Variants in LDLRAD4 observed in about 807,000 individuals in gnomAD.
LDLRAD4 encodes the protein low-density lipoprotein receptor class A domain-containing protein 4.
Under a neutral mutation model 17.0 loss-of-function variants are expected in LDLRAD4, and 5 were observed. The observed-to-expected ratio is 0.29, with a 90% CI of 0.15 to 0.62. The LOEUF (loss-of-function observed/expected upper bound fraction) is 0.62, where lower values mean the gene tolerates loss of function less well. Ranked by LOEUF, LDLRAD4 falls within the 20% of genes least tolerant of loss-of-function variation. The pLI is 0.84. For missense variants in LDLRAD4, 340 were observed against 424.7 expected (o/e 0.80, Z 1.75); for synonymous variants, 168 against 171.8 (o/e 0.98, Z 0.17).
In LDLRAD4 at chr18:13,240,291, A is replaced by G. The variant is rs2042564279; in HGVS notation, c.-467+21303A>G. On this transcript the variant is annotated intron_variant, in intron 1 of 5. Coordinates refer to the LDLRAD4 transcript ENST00000399848. ...CTGAAAGCTCAGCCCTTGGCCCCAA[A>G]GGAGCTCTGAGGCCGCAGGCCCAGA... The G allele has an allele frequency of 2.0e-5, 3 of 152,256 alleles. No individual in the cohort carries two copies. In the South Asian group the frequency reaches 6.2e-4, roughly 31 times the overall value. 9.4% of individuals were successfully genotyped at this position (152,256 alleles called of 1,614,324 possible).
At position 13,475,161 on chromosome 18, in the gene LDLRAD4, C is replaced by T. The variant is rs376578102; in HGVS notation, c.181+36777C>T. Among the ~76,000 whole-genome samples the T allele has an allele frequency of 1.8e-4, 28 of 152,334 alleles. No homozygotes were observed. In the East Asian group the frequency reaches 5.0e-3, roughly 27 times the overall value. On this transcript the variant is annotated intron_variant, in intron 3 of 5. Coordinates refer to ENST00000359446, the Ensembl canonical transcript of LDLRAD4. ...TTAAGTTTGCTGTTTTCAGTCTGTGCTTGGCACTTTCCTCACTAGATCTTT... is the reference window on the plus strand; with the variant it reads ...TTAAGTTTGCTGTTTTCAGTCTGTGTTTGGCACTTTCCTCACTAGATCTTT...
chr18:13,639,675 C>T (rs1483837466), intron 4 of LDLRAD4, among the ~76,000 whole-genome samples: 1 of 152,202 alleles, frequency 6.6e-6, no homozygotes, highest in Non-Finnish European at 1.5e-5. Context: ...TGGCCTCAAG[C>T]TCTTCCACCA....
At chr18:13,453,081 T>A (rs764881844) in intron 3 of LDLRAD4, among the ~76,000 whole-genome samples, 19 of 152,176 alleles carry the variant, frequency 1.2e-4, no homozygotes, top group Non-Finnish European at 2.4e-4. Context: ...GTCACGGGAT[T>A]TGCATCATGT....
intron 4 of LDLRAD4, among the ~76,000 whole-genome samples, chr18:13,636,437 G>C (rs899961596): frequency 1.9e-4 from 28 of 149,858 alleles, no homozygotes; most frequent in African/African-American, 5.9e-4. Flanking sequence ...AAAAAAAAAA[G>C]CCCAAAGGAA....
intron 4 of LDLRAD4, among the ~76,000 whole-genome samples, chr18:13,627,969 C>A (rs1017251313): frequency 6.6e-6 from 1 of 152,192 alleles, no homozygotes; most frequent in Non-Finnish European, 1.5e-5. Context: ...TCTACCTGGG[C>A]AGTGTCCCTC....
chr18:13,409,989 C>G (rs2088169102), intron 2 of LDLRAD4, among the ~76,000 whole-genome samples: 1 of 152,130 alleles, frequency 6.6e-6, no homozygotes, highest in African/African-American at 2.4e-5. Flanking sequence ...ACGTGGTACC[C>G]CAGGGCACGA....
At chr18:13,592,229 C>A (rs769125169) in intron 3 of LDLRAD4, among the ~76,000 whole-genome samples, 6 of 152,202 alleles carry the variant, frequency 3.9e-5, no homozygotes, top group African/African-American at 1.4e-4. Flanking sequence ...ACTTTTTAAA[C>A]CCTGACCCAC....
At chr18:13,553,168 CT>C (rs1247468156) in intron 3 of LDLRAD4, among the ~76,000 whole-genome samples, 1 of 152,126 alleles carries the variant, frequency 6.6e-6, no homozygotes, top group Non-Finnish European at 1.5e-5. Flanking sequence ...ATAATAAAGA[CT>C]TATAGCTTGT....
At chr18:13,243,511 C>CA (rs958060295) in intron 1 of LDLRAD4, among the ~76,000 whole-genome samples, 62 of 151,542 alleles carry the variant, frequency 4.1e-4, no homozygotes, top group African/African-American at 1.4e-3. Context: ...TCTATCCATT[C>CA]ACCCACCCAT....
At chr18:13,460,419 C>G (rs962758810) in intron 3 of LDLRAD4, among the ~76,000 whole-genome samples, 4 of 152,126 alleles carry the variant, frequency 2.6e-5, no homozygotes, top group Non-Finnish European at 5.9e-5. Flanking sequence ...GCTGGAACTC[C>G]GGGCACAAGC....
intron 3 of LDLRAD4, among the ~76,000 whole-genome samples, chr18:13,578,539 G>A (rs1209929886): frequency 6.6e-6 from 1 of 152,162 alleles, no homozygotes; most frequent in South Asian, 2.1e-4. Context: ...TAAGCTAGAG[G>A]ACAGGAAAGA....
intron 3 of LDLRAD4, among the ~76,000 whole-genome samples, chr18:13,586,132 G>C (rs753815856): frequency 1.3e-5 from 2 of 152,038 alleles, no homozygotes; most frequent in Non-Finnish European, 2.9e-5. Context: ...CTGAGGGCGG[G>C]GCATGGTGGC....
rs576266589 is a variant in LDLRAD4, at chr18:13,243,275, C to T, written c.-467+24287C>T. Among the ~76,000 whole-genome samples the T allele has an allele frequency of 1.2e-4, 19 of 152,330 alleles. 3 individuals are homozygous for T. In the South Asian group the frequency reaches 3.9e-3, roughly 32 times the overall value. On this transcript the variant is annotated intron_variant, in intron 1 of 5. Transcript: ENST00000399848. ...TGTCCCCGGCCTCTTCCACTTCCAG[C>T]TCTTAGCCTTGGGCACGTCACTAAC...
At position 13,645,383 on chromosome 18, in the gene LDLRAD4, G is replaced by A; in HGVS notation, c.647G>A (p.Ser216Asn). 6.2e-7 allele frequency: 1 copy of A among 1,614,178 alleles called. No individual in the cohort carries two copies. The highest frequency in any genetic ancestry group is 8.5e-7 in the Non-Finnish European group (1 of 1,180,044). ...CCACCCAACCGAACCATATTTGACA[G>A]TGATTTAATAGACATTGCTATGTAT... Residue 216 changes from serine to asparagine, a missense_variant, in exon 6 of 6, where the codon AGT (serine) becomes AAT (asparagine). Coordinates refer to ENST00000359446, the Ensembl canonical transcript of LDLRAD4. The surrounding 1 kb of genome is among the most constrained non-coding windows in gnomAD (Gnocchi z 5.7).
At chr18:13,333,308 A>G (rs1390195771) in intron 1 of LDLRAD4, among the ~76,000 whole-genome samples, 1 of 152,116 alleles carries the variant, frequency 6.6e-6, no homozygotes, top group Non-Finnish European at 1.5e-5. Context: ...TATGTTTTGG[A>G]TAACAGTCTT....
intron 1 of LDLRAD4, among the ~76,000 whole-genome samples, chr18:13,345,473 A>G (rs563978697): frequency 1.3e-5 from 2 of 152,260 alleles, no homozygotes; most frequent in African/African-American, 4.8e-5. Flanking sequence ...GTGCTGCTGG[A>G]TTCGGTTTGC....
At chr18:13,311,607 T>G (rs148114329) in intron 1 of LDLRAD4, among the ~76,000 whole-genome samples, 231 of 152,342 alleles carry the variant, frequency 1.5e-3, no homozygotes, top group African/African-American at 5.4e-3. Context: ...CTTTAAATGC[T>G]AAAGCATTGG....
intron 1 of LDLRAD4, among the ~76,000 whole-genome samples, chr18:13,259,247 T>C (rs927142356): frequency 6.6e-6 from 1 of 152,098 alleles, no homozygotes; most frequent in Admixed American, 6.5e-5. Flanking sequence ...AGCGTGATCA[T>C]AGCTCACTGC....
chr18:13,555,321 T>C (rs1400357882), intron 3 of LDLRAD4, among the ~76,000 whole-genome samples: 1 of 152,216 alleles, frequency 6.6e-6, no homozygotes, highest in Non-Finnish European at 1.5e-5. Flanking sequence ...CCATTTAACC[T>C]CAGCACTATC....
Sources: gnomAD v4.1 joint callset for allele counts (sites outside exome capture counted in the v4.1 genomes callset) on GRCh38, gnomAD v4.1.1 for gene constraint, Gnocchi (gnomAD v3.1) non-coding constraint, MANE v1.5 for transcripts, NCBI Gene and HGNC (gene_info 2026-07-23, HGNC 2026-07-21) for gene names.